BNC2: variants seen among roughly 807,000 people sequenced by gnomAD.
The protein encoded by BNC2 is zinc finger protein basonuclin-2.
Under a neutral mutation model 76.3 loss-of-function variants are expected in BNC2, and 20 were observed. The observed-to-expected ratio is 0.26, with a 90% CI of 0.18 to 0.38. The LOEUF (loss-of-function observed/expected upper bound fraction) is 0.38. Ranked by LOEUF, BNC2 falls within the 10% of genes least tolerant of loss-of-function variation. The pLI is 1.00. For missense variants in BNC2, 1,382 were observed against 1,399.8 expected, an observed-to-expected ratio of 0.99 and a Z score of 0.20; for synonymous variants, 582 against 514.8, an observed-to-expected ratio of 1.13 and a Z score of -1.77.
At chr9:16,632,627 A>G (rs889531078) in intron 3 of BNC2, among the ~76,000 whole-genome samples, 5 of 152,250 alleles carry the variant, frequency 3.3e-5, no homozygotes, top group Non-Finnish European at 1.5e-5. Flanking sequence ...GCCATTTTAT[A>G]TAAGCCATAA....
At chr9:16,443,503 G>A (rs1324790526) in intron 5 of BNC2, among the ~76,000 whole-genome samples, 1 of 151,616 alleles carries the variant, frequency 6.6e-6, no homozygotes, top group Non-Finnish European at 1.5e-5. Context: ...CCTAGCTTAA[G>A]TATTCCATTA....
At chr9:16,428,874 G>T (rs907569491) in intron 6 of BNC2, among the ~76,000 whole-genome samples, 10 of 152,124 alleles carry the variant, frequency 6.6e-5, no homozygotes, top group African/African-American at 2.4e-4. Context: ...CTTGCATTAG[G>T]ACATAAAATC....
At chr9:16,527,356 T>C (rs3814111) in intron 5 of BNC2, among the ~76,000 whole-genome samples, 31,552 of 152,154 alleles carry the variant, frequency 0.21, 3,345 homozygotes, top group South Asian at 0.32. Flanking sequence ...GTTGGTCATC[T>C]TCACCACCCA....
rs570939227 is a variant in BNC2, at chr9:16,659,005, T to C, written c.330+68792A>G. ...CATCGCAACTGTCTCTTTTTTTGAATGTGATTAAACTTAAGCATGAATTCA... is the reference window on the plus strand; with the variant it reads ...CATCGCAACTGTCTCTTTTTTTGAACGTGATTAAACTTAAGCATGAATTCA... On this transcript the variant is annotated intron_variant, in intron 3 of 6. Coordinates refer to ENST00000380672, the MANE Select transcript of BNC2 (RefSeq NM_017637.6). Among the ~76,000 whole-genome samples the C allele has an allele frequency of 4.6e-5, 7 of 152,316 alleles. No homozygotes were observed. The South Asian group carries it at 1.2e-3, about 27-fold the overall frequency.
intron 5 of BNC2, among the ~76,000 whole-genome samples, chr9:16,443,474 T>C (rs182502798): frequency 1.8e-3 from 269 of 152,178 alleles, no homozygotes; most frequent in African/African-American, 6.2e-3. Context: ...AGTAGAGAAA[T>C]TACCAAATTT....
chr9:16,765,802 T>C (rs1037759506), intron 1 of BNC2, among the ~76,000 whole-genome samples: 14 of 149,394 alleles, frequency 9.4e-5, no homozygotes, highest in South Asian at 2.1e-4. Context: ...TTTTTTTTTT[T>C]CTGAGACGGA....
At chr9:16,841,418 G>C (rs537065733) in intron 1 of BNC2, among the ~76,000 whole-genome samples, 22 of 152,264 alleles carry the variant, frequency 1.4e-4, no homozygotes, top group South Asian at 8.3e-4. Context: ...TAAATACTTA[G>C]AAAACATTTG....
chr9:16,627,702 A>G (rs887755655), intron 3 of BNC2, among the ~76,000 whole-genome samples: 2 of 152,200 alleles, frequency 1.3e-5, no homozygotes, highest in African/African-American at 2.4e-5. Flanking sequence ...TATGAGCTGT[A>G]ATACCATACT....
intron 5 of BNC2, among the ~76,000 whole-genome samples, chr9:16,448,385 A>C (rs780948978): frequency 1.6e-4 from 24 of 152,184 alleles, no homozygotes; most frequent in Non-Finnish European, 2.9e-4. Flanking sequence ...GTAAGGGCCA[A>C]AACTTGAACA....
At chr9:16,786,164 C>G (rs139937297) in intron 1 of BNC2, among the ~76,000 whole-genome samples, 51 of 152,270 alleles carry the variant, frequency 3.3e-4, no homozygotes, top group African/African-American at 1.1e-3. Flanking sequence ...AGGTAAAATA[C>G]AAAGAAAGTG....
chr9:16,812,558 T>C (rs111886398), intron 1 of BNC2, among the ~76,000 whole-genome samples: 179 of 152,310 alleles, frequency 1.2e-3, no homozygotes, highest in African/African-American at 4.3e-3. Context: ...AGGCTTTTGT[T>C]TTACTTCACA....
intron 4 of BNC2, chr9:16,575,325 C>T (rs776361866): frequency 3.9e-4 from 388 of 985,212 alleles, no homozygotes; most frequent in Non-Finnish European, 4.5e-4. Flanking sequence ...TCCCACGAAA[C>T]TCCTTACCAG....
At chr9:16,764,161 T>G (rs1236160217) in intron 1 of BNC2, among the ~76,000 whole-genome samples, 5 of 152,234 alleles carry the variant, frequency 3.3e-5, no homozygotes, top group African/African-American at 1.2e-4. Flanking sequence ...CCTTGGGGTG[T>G]GTAGCTCACT....
intron 1 of BNC2, among the ~76,000 whole-genome samples, chr9:16,852,672 G>C (rs979609061): frequency 1.3e-5 from 2 of 152,088 alleles, no homozygotes; most frequent in African/African-American, 2.4e-5. Context: ...AAAAAAATCA[G>C]GGTAAGAGAC....
chr9:16,723,952 T>C (rs1161992287), intron 3 of BNC2, among the ~76,000 whole-genome samples: 1 of 152,130 alleles, frequency 6.6e-6, no homozygotes, highest in Non-Finnish European at 1.5e-5. Context: ...TGTTCTTTAA[T>C]AAGACACAGT....
intron 1 of BNC2, among the ~76,000 whole-genome samples, chr9:16,760,395 G>C (rs928610846): frequency 6.6e-6 from 1 of 152,086 alleles, no homozygotes; most frequent in Non-Finnish European, 1.5e-5. Context: ...ATATTACAAC[G>C]GTTTATGGTC....
chr9:16,780,378 C>T (rs1365602520), intron 1 of BNC2, among the ~76,000 whole-genome samples: 1 of 151,766 alleles, frequency 6.6e-6, no homozygotes, highest in African/African-American at 2.4e-5. Context: ...TCAAGACCAT[C>T]CTGGCCAACA....
At chr9:16,611,548 A>G (rs1181904503) in intron 3 of BNC2, among the ~76,000 whole-genome samples, 1 of 152,178 alleles carries the variant, frequency 6.6e-6, no homozygotes, top group Non-Finnish European at 1.5e-5. Context: ...AGGTGAGGCT[A>G]ATAGCACAAT....
intron 3 of BNC2, among the ~76,000 whole-genome samples, chr9:16,584,827 A>G (rs1217643993): frequency 1.3e-5 from 2 of 152,180 alleles, no homozygotes; most frequent in African/African-American, 2.4e-5. Context: ...ACCAAAATAA[A>G]AAGAGCTTAG....
Sources: allele counts gnomAD v4.1 joint callset (sites outside exome capture counted in the v4.1 genomes callset), GRCh38; gene constraint gnomAD v4.1.1; transcripts MANE v1.5; gene names NCBI Gene and HGNC (gene_info 2026-07-23, HGNC 2026-07-21).